Variants in HECW2 observed in about 807,000 individuals in gnomAD.
The protein encoded by HECW2 is HECT, C2 and WW domain containing E3 ubiquitin protein ligase 2, also known as E3 ubiquitin-protein ligase HECW2.
Under a neutral mutation model 175.2 loss-of-function variants are expected in HECW2, and 61 were observed. That is an observed-to-expected ratio of 0.35 (90% CI 0.28 to 0.43). The LOEUF is 0.43. HECW2 is among the 20% of genes least tolerant of loss of function. HECW2 has a pLI of 1.00. For synonymous variants in HECW2, 671 were observed against 731.0 expected (o/e 0.92, Z 1.32); for missense variants, 1,524 against 2,000.5 (o/e 0.76, Z 4.54).
intron 17 of HECW2, among the ~76,000 whole-genome samples, chr2:196,262,198 A>T (rs890791335): frequency 6.6e-6 from 1 of 151,952 alleles, no homozygotes; most frequent in African/African-American, 2.4e-5. Flanking sequence ...GCTAATTTTT[A>T]AACATTTTTG....
chr2:196,366,860 AT>A (rs1246778045), intron 2 of HECW2, among the ~76,000 whole-genome samples: 9 of 152,254 alleles, frequency 5.9e-5, no homozygotes, highest in East Asian at 3.9e-4. Context: ...CAGCTATGTT[AT>A]TTTTCATTCC....
chr2:196,519,369 A>AAAATAAAT (rs937493960), intron 1 of HECW2, among the ~76,000 whole-genome samples: 1 of 152,166 alleles, frequency 6.6e-6, no homozygotes, highest in South Asian at 2.1e-4. Flanking sequence ...AACTGCACCA[A>AAAATAAAT]AAATAAATAA....
At chr2:196,283,261 C>CAAAA (rs1190850443) in intron 14 of HECW2, among the ~76,000 whole-genome samples, 3 of 45,288 alleles carry the variant, frequency 6.6e-5, no homozygotes, top group African/African-American at 1.8e-4. Context: ...GACTCCATCT[C>CAAAA]AAAAAAAAAA....
intron 6 of HECW2, 143 bp from the exon 7 acceptor site, chr2:196,322,763 T>C: frequency 1.5e-6 from 1 of 675,050 alleles, no homozygotes; most frequent in Non-Finnish European, 2.4e-6. Context: ...GCAGCTATTG[T>C]CAATCCTTTA....
chr2:196,523,871 GT>G (rs1282477320), intron 1 of HECW2, among the ~76,000 whole-genome samples: 2 of 152,022 alleles, frequency 1.3e-5, no homozygotes, highest in African/African-American at 4.8e-5. Context: ...TGCTGGATTC[GT>G]TTTGCCAGTA....
At chr2:196,254,492 C>A (rs60102476) in intron 18 of HECW2, among the ~76,000 whole-genome samples, 9,388 of 152,248 alleles carry the variant, frequency 0.062, 977 homozygotes, top group African/African-American at 0.21. Context: ...TAAAACAAAA[C>A]ACCTCTTAAA....
At chr2:196,459,515 T>C (rs756699384) in intron 1 of HECW2, among the ~76,000 whole-genome samples, 1 of 151,862 alleles carries the variant, frequency 6.6e-6, no homozygotes, top group Non-Finnish European at 1.5e-5. Context: ...CCAGAAATCC[T>C]TGAAAACTCA....
intron 1 of HECW2, among the ~76,000 whole-genome samples, chr2:196,503,274 T>C (rs1326152792): frequency 6.6e-6 from 1 of 152,072 alleles, no homozygotes; most frequent in African/African-American, 2.4e-5. Flanking sequence ...GGAAATCCTA[T>C]ATCTCAGAGT....
intron 13 of HECW2, among the ~76,000 whole-genome samples, chr2:196,301,286 A>G (rs1328059124): frequency 6.6e-6 from 1 of 152,134 alleles, no homozygotes; most frequent in Admixed American, 6.6e-5. Flanking sequence ...ATTGATGGGC[A>G]TTTGGGTTGA....
intron 28 of HECW2, among the ~76,000 whole-genome samples, chr2:196,208,869 C>A (rs1687164031): frequency 6.6e-6 from 1 of 152,132 alleles, no homozygotes; most frequent in Admixed American, 6.5e-5. Context: ...TTATTCTAAG[C>A]CACCAGAGGG....
chr2:196,580,866 T>C (rs1690753207), intron 1 of HECW2, among the ~76,000 whole-genome samples: 1 of 152,190 alleles, frequency 6.6e-6, no homozygotes. Context: ...AGCAGCATTA[T>C]TCATAATAGC....
intron 1 of HECW2, among the ~76,000 whole-genome samples, chr2:196,538,622 C>A (rs1689100546): frequency 6.6e-6 from 1 of 152,054 alleles, no homozygotes; most frequent in Non-Finnish European, 1.5e-5. Flanking sequence ...CCCTCTATAC[C>A]CAGCCTTGAG....
chr2:196,306,643 G>A (rs1266179345), intron 12 of HECW2, 31 bp from the exon 13 acceptor site: 3 of 1,573,058 alleles, frequency 1.9e-6, no homozygotes, highest in Non-Finnish European at 2.6e-6. Flanking sequence ...AGGCGGTCAG[G>A]GAAATCTTTC....
intron 1 of HECW2, among the ~76,000 whole-genome samples, chr2:196,581,404 T>A (rs1345722444): frequency 1.3e-5 from 2 of 151,976 alleles, no homozygotes; most frequent in East Asian, 3.9e-4. Context: ...CATGGTGGCA[T>A]GTGCCTGTAG....
chr2:196,230,713 C>T (rs2375680), intron 21 of HECW2, among the ~76,000 whole-genome samples: 148,409 of 152,326 alleles, frequency 0.97, 72,430 homozygotes, highest in East Asian at 1. Context: ...TGTTGACTTA[C>T]AAAGTGCTAG....
At chr2:196,449,919 A>G (rs1696295260) in intron 1 of HECW2, among the ~76,000 whole-genome samples, 2 of 152,190 alleles carry the variant, frequency 1.3e-5, no homozygotes, top group African/African-American at 2.4e-5. Context: ...GGGAAACAGG[A>G]ATAAAGAAGA....
intron 2 of HECW2, among the ~76,000 whole-genome samples, chr2:196,389,951 C>G (rs185738554): frequency 6.6e-6 from 1 of 152,250 alleles, no homozygotes; most frequent in Non-Finnish European, 1.5e-5. Context: ...TGCTAAGCTT[C>G]CACAGCCAGC....
intron 1 of HECW2, among the ~76,000 whole-genome samples, chr2:196,508,674 ACT>A (rs567298689): frequency 2.6e-5 from 4 of 151,834 alleles, no homozygotes; most frequent in South Asian, 4.2e-4. Context: ...ACCTTCCTCC[ACT>A]CTCTCTTTTT....
At chr2:196,552,696 A>G (rs1689644783) in intron 1 of HECW2, among the ~76,000 whole-genome samples, 2 of 151,836 alleles carry the variant, frequency 1.3e-5, no homozygotes, top group African/African-American at 4.8e-5. Context: ...CCTCTTCCTG[A>G]GCCTGAGGCT....
Sources: gnomAD v4.1 joint callset for allele counts (sites outside exome capture counted in the v4.1 genomes callset) on GRCh38, gnomAD v4.1.1 for gene constraint, MANE v1.5 for transcripts, NCBI Gene and HGNC (gene_info 2026-07-23, HGNC 2026-07-21) for gene names.